The following SYT16 variants were observed in gnomAD, a reference collection of about 807,000 sequenced individuals.
SYT16 encodes synaptotagmin 16.
In SYT16, 42 loss-of-function variants were observed where a neutral mutation model predicts 61.4. The observed-to-expected ratio is 0.68, with a 90% CI of 0.53 to 0.89. SYT16 has a LOEUF of 0.89. Among genes scored for constraint, SYT16 ranks in the 40% least tolerant of loss-of-function variants. The pLI, the probability that SYT16 is intolerant of heterozygous loss-of-function variation, is 0.00. For missense variants in SYT16, 804 were observed against 807.3 expected (o/e 1.00, Z 0.05); for synonymous variants, 314 against 302.3 (o/e 1.04, Z -0.40).
At chr14:62,060,754 T>G (rs1215366011) in intron 3 of SYT16, among the ~76,000 whole-genome samples, 1 of 152,038 alleles carries the variant, frequency 6.6e-6, no homozygotes, top group East Asian at 1.9e-4. Flanking sequence ...ATGACTATAA[T>G]CATAAGAGAT....
At chr14:61,858,573 C>G (rs1053254793) in intron 1 of SYT16, among the ~76,000 whole-genome samples, 1 of 152,084 alleles carries the variant, frequency 6.6e-6, no homozygotes, top group Non-Finnish European at 1.5e-5. Context: ...TTCCAACTTC[C>G]TAGGCTTCAT....
At chr14:61,828,854 C>G (rs918132742) in intron 1 of SYT16, among the ~76,000 whole-genome samples, 4 of 152,188 alleles carry the variant, frequency 2.6e-5, no homozygotes, top group Non-Finnish European at 4.4e-5. Flanking sequence ...TTTCCTTATT[C>G]TCTCTTTAAG....
At chr14:61,927,304 C>T (rs2049577562) in intron 1 of SYT16, among the ~76,000 whole-genome samples, 1 of 152,196 alleles carries the variant, frequency 6.6e-6, no homozygotes, top group African/African-American at 2.4e-5. Context: ...ACGATATTCA[C>T]AGGAGACTAG....
At chr14:62,002,041 C>G (rs1456992960) in intron 3 of SYT16, among the ~76,000 whole-genome samples, 1 of 152,008 alleles carries the variant, frequency 6.6e-6, no homozygotes, top group African/African-American at 2.4e-5. Flanking sequence ...TCTGATAGTT[C>G]CAATATCTGA....
At chr14:61,971,186 G>A (rs2051538443) in intron 2 of SYT16, among the ~76,000 whole-genome samples, 1 of 152,114 alleles carries the variant, frequency 6.6e-6, no homozygotes, top group Non-Finnish European at 1.5e-5. Context: ...CTTGTTACGA[G>A]AAAGGCATAA....
At chr14:61,836,387 CCATTCACTTGAAAGG>C (rs1258233373) in intron 1 of SYT16, among the ~76,000 whole-genome samples, 19 of 152,230 alleles carry the variant, frequency 1.2e-4, no homozygotes, top group African/African-American at 4.6e-4. Context: ...CATCAGCAGT[CCATTCACTTGAAAGG>C]CATTTGAATA....
chr14:62,074,722 G>A (rs1027234022), intron 4 of SYT16, among the ~76,000 whole-genome samples: 4 of 152,156 alleles, frequency 2.6e-5, no homozygotes, highest in Non-Finnish European at 5.9e-5. Context: ...TTTGAGCAGA[G>A]GGTAATGTGG....
chr14:62,030,058 A>G (rs2054256278), intron 3 of SYT16, among the ~76,000 whole-genome samples: 1 of 152,138 alleles, frequency 6.6e-6, no homozygotes, highest in Admixed American at 6.6e-5. Context: ...TCCACCACCC[A>G]TCCCTCCCAC....
At chr14:61,965,422 C>T (rs2051277068) in intron 1 of SYT16, among the ~76,000 whole-genome samples, 1 of 152,148 alleles carries the variant, frequency 6.6e-6, no homozygotes, top group Admixed American at 6.6e-5. Context: ...AACATGAACT[C>T]TTTTGAAATA....
chr14:62,049,330 T>C (rs2055159271), intron 3 of SYT16, among the ~76,000 whole-genome samples: 1 of 152,222 alleles, frequency 6.6e-6, no homozygotes, highest in South Asian at 2.1e-4. Flanking sequence ...ATTTGCTTGG[T>C]AGATCTTCCT....
At position 62,100,912 on chromosome 14, in the gene SYT16, A is replaced by C; in HGVS notation, c.*205A>C. On this transcript the variant is annotated 3_prime_UTR_variant, in exon 8 of 8. Transcript: ENST00000683842. ...TTTTAAAAACACACATACACAGTGA[A>C]GTGTCCGTATGGAAAATATTATACC... 1.8e-6 allele frequency: 1 copy of C among 556,460 alleles called. No homozygotes were observed. Among genetic ancestry groups the C allele is most frequent in the Non-Finnish European group, 3.2e-6 (1 of 316,886 alleles). 34.5% of individuals were successfully genotyped at this position (556,460 alleles called of 1,614,324 possible).
At chr14:62,051,819 C>T (rs1024706241) in intron 3 of SYT16, among the ~76,000 whole-genome samples, 3 of 152,062 alleles carry the variant, frequency 2.0e-5, no homozygotes, top group Admixed American at 6.6e-5. Flanking sequence ...ATCACCTAAG[C>T]CCAGGAGTTT....
chr14:61,973,971 C>G (rs1044646256), intron 2 of SYT16, among the ~76,000 whole-genome samples: 4 of 152,066 alleles, frequency 2.6e-5, no homozygotes, highest in Admixed American at 6.5e-5. Context: ...TCAACACGCC[C>G]GAAGAAGAGT....
rs1271025523 is a variant in SYT16 at position 62,018,281 on chromosome 14, CTCT to C, written c.523+21756_523+21758del. Among the ~76,000 whole-genome samples, 137 of 95,438 alleles carry C rather than the reference CTCT, an allele frequency of 1.4e-3. 1 individual carries two copies. The highest frequency in any genetic ancestry group is 3.7e-3 in the African/African-American group (94 of 25,314). 62.6% of individuals were successfully genotyped at this position (95,438 alleles called of 152,430 possible). A position where few individuals can be genotyped will look rare whatever the true frequency, so the allele number is the denominator to read the frequency against. On this transcript the variant is annotated intron_variant, in intron 3 of 7. Coordinates refer to ENST00000683842, the MANE Select transcript of SYT16 (RefSeq NM_001367656.1). ...GGAACTCTGGTCCCCTTGGGTCTTT[CTCT>C]TCTTCTTCTTCTTCTTTTTTTTTTT...
At chr14:61,887,665 T>C (rs2047961547) in intron 1 of SYT16, among the ~76,000 whole-genome samples, 2 of 152,258 alleles carry the variant, frequency 1.3e-5, no homozygotes, top group African/African-American at 4.8e-5. Flanking sequence ...AGATGGCTTC[T>C]TTCCTTAAAC....
At chr14:62,054,110 G>A (rs2055431086) in intron 3 of SYT16, among the ~76,000 whole-genome samples, 2 of 152,156 alleles carry the variant, frequency 1.3e-5, no homozygotes, top group South Asian at 4.1e-4. Context: ...GCTTATTCTT[G>A]TCAGCATGTG....
chr14:61,883,005 C>T (rs1238389435), intron 1 of SYT16, among the ~76,000 whole-genome samples: 1 of 152,206 alleles, frequency 6.6e-6, no homozygotes, highest in Non-Finnish European at 1.5e-5. Flanking sequence ...ACCTTTGTCC[C>T]TTTTAGCCAT....
intron 1 of SYT16, among the ~76,000 whole-genome samples, chr14:61,813,109 G>C (rs2045319293): frequency 6.6e-6 from 1 of 152,268 alleles, no homozygotes; most frequent in African/African-American, 2.4e-5. Context: ...CCCAGGCCCA[G>C]AGCCAGCCTT....
At position 61,998,869 on chromosome 14, in the gene SYT16, G is replaced by T. The variant is rs542235581; in HGVS notation, c.523+2327G>T. On this transcript the variant is annotated intron_variant, in intron 3 of 7. Coordinates refer to ENST00000683842, the MANE Select transcript of SYT16 (RefSeq NM_001367656.1). Reference sequence around the variant, plus strand: ...TTCCTGAGAGTTTTATCAAAAAAAGGATGTTAAATTCTGTCAAATGCTGTT... The same window carrying T: ...TTCCTGAGAGTTTTATCAAAAAAAGTATGTTAAATTCTGTCAAATGCTGTT... Among the ~76,000 whole-genome samples, 9 of 151,960 alleles carry T rather than the reference G, an allele frequency of 5.9e-5. No homozygotes were observed. The South Asian group carries it at 1.9e-3, about 32-fold the overall frequency.
Sources: allele counts gnomAD v4.1 joint callset (sites outside exome capture counted in the v4.1 genomes callset), GRCh38; gene constraint gnomAD v4.1.1; transcripts MANE v1.5; gene names NCBI Gene and HGNC (gene_info 2026-07-23, HGNC 2026-07-21).